PLEKHM3: variants seen among roughly 807,000 people sequenced by gnomAD.
PLEKHM3 encodes pleckstrin homology domain-containing family M member 3.
PLEKHM3 carries 45 observed loss-of-function variants against 81.8 expected under a neutral mutation model. The observed-to-expected ratio is 0.55, with a 90% CI of 0.43 to 0.71. The LOEUF (loss-of-function observed/expected upper bound fraction) is 0.71, where lower values mean the gene tolerates loss of function less well. Ranked by LOEUF, PLEKHM3 falls within the 30% of genes least tolerant of loss-of-function variation. PLEKHM3 has a pLI of 0.00. For missense variants in PLEKHM3, 788 were observed against 924.3 expected (o/e 0.85, Z 1.91); for synonymous variants, 352 against 356.4 (o/e 0.99, Z 0.14).
chr2:207,871,388 C>T (rs1471161217), intron 6 of PLEKHM3, among the ~76,000 whole-genome samples: 1 of 152,114 alleles, frequency 6.6e-6, no homozygotes, highest in Non-Finnish European at 1.5e-5. Flanking sequence ...ATCTGATCCT[C>T]TCCCAAAGGT....
intron 7 of PLEKHM3, among the ~76,000 whole-genome samples, chr2:207,855,419 A>T (rs2092432723): frequency 6.6e-6 from 1 of 152,212 alleles, no homozygotes; most frequent in Non-Finnish European, 1.5e-5. Flanking sequence ...ACTAAAAAAA[A>T]TAAGTGAGGA....
chr2:207,865,796 AAAAAAAGATATATAT>A lies in PLEKHM3; in HGVS notation c.1951-4549_1951-4535del, dbSNP rs1300864679. ...AACTCCGACTCAAAAAAAAAAAAAAAAAAAAAGATATATATATATATATATATATATATATATATA... is the reference window on the plus strand; with the variant it reads ...AACTCCGACTCAAAAAAAAAAAAAAAATATATATATATATATATATATATA... On this transcript the variant is annotated intron_variant, in intron 6 of 7. Coordinates refer to ENST00000427836, the MANE Select transcript of PLEKHM3 (RefSeq NM_001080475.3). 3.1e-3 allele frequency among the ~76,000 whole-genome samples: 139 copies of A among 45,400 alleles called. 6 individuals are homozygous for A. Among genetic ancestry groups the A allele is most frequent in the African/African-American group, 0.015 (131 of 8,926 alleles). The allele number at this position is 45,400 out of a possible 152,430, so 29.8% of individuals were successfully genotyped here.
At chr2:207,865,809 T>A (rs865949649) in intron 6 of PLEKHM3, among the ~76,000 whole-genome samples, 19,826 of 51,890 alleles carry the variant, frequency 0.38, 5,678 homozygotes, top group Non-Finnish European at 0.48. Context: ...AAAAGATATA[T>A]ATATATATAT....
At chr2:207,874,233 G>A (rs1024992858) in intron 6 of PLEKHM3, among the ~76,000 whole-genome samples, 3 of 152,146 alleles carry the variant, frequency 2.0e-5, no homozygotes, top group African/African-American at 7.2e-5. Flanking sequence ...CAAGTTGTTA[G>A]CCATCAGGGA....
At chr2:207,934,224 C>A (rs2105946294) in intron 4 of PLEKHM3, among the ~76,000 whole-genome samples, 1 of 152,256 alleles carries the variant, frequency 6.6e-6, no homozygotes, top group East Asian at 1.9e-4. Flanking sequence ...TATGTTCCAA[C>A]TAAGAGCTAA....
chr2:208,008,784 C>T (rs1010826024), intron 1 of PLEKHM3, among the ~76,000 whole-genome samples: 4 of 152,222 alleles, frequency 2.6e-5, no homozygotes, highest in Non-Finnish European at 5.9e-5. Flanking sequence ...CCATCTTCTT[C>T]CTTCCCTTCC....
Position 207,976,678 on chromosome 2 carries a change from G to C in PLEKHM3, c.1519C>G (p.Leu507Val). Residue 507 changes from leucine (L) to valine (V), a missense_variant, in exon 3 of 8, where the codon CTC becomes GTC. Coordinates refer to ENST00000427836, the MANE Select transcript of PLEKHM3 (RefSeq NM_001080475.3). The surrounding 1 kb of genome is among the most constrained non-coding windows in gnomAD (Gnocchi z 4.1). Reference protein sequence around the residue: ...ILTTLSLERGLTAQSFKCAGC... With the variant: ...ILTTLSLERGVTAQSFKCAGC... ...GCACATTTGAAACTCTGAGCAGTGA[G>C]TCCTCGTTCCAAAGACAAAGTCGTC... The C allele has an allele frequency of 6.2e-7, 1 of 1,614,082 alleles. No individual in the cohort carries two copies. The highest frequency in any genetic ancestry group is 1.6e-4 in the Middle Eastern group (1 of 6,062).
At chr2:207,907,503 C>CAA (rs1688649676) in intron 6 of PLEKHM3, among the ~76,000 whole-genome samples, 1 of 149,576 alleles carries the variant, frequency 6.7e-6, no homozygotes, top group African/African-American at 2.5e-5. Flanking sequence ...CTCTGTCTCA[C>CAA]AAACGAAAGG....
chr2:207,889,234 C>A (rs1192274338), intron 6 of PLEKHM3, among the ~76,000 whole-genome samples: 1 of 152,082 alleles, frequency 6.6e-6, no homozygotes, highest in Non-Finnish European at 1.5e-5. Context: ...CCAGACAAGG[C>A]CCTGCTATGG....
At chr2:207,884,691 T>C in intron 6 of PLEKHM3, among the ~76,000 whole-genome samples, 1 of 152,232 alleles carries the variant, frequency 6.6e-6, no homozygotes, top group East Asian at 1.9e-4. Context: ...ATCTATATTT[T>C]ATTAATAGAA....
chr2:208,023,750 T>C lies in PLEKHM3; in HGVS notation c.-319+1639A>G, dbSNP rs182453552. On this transcript the variant is annotated intron_variant, in intron 1 of 7. Transcript: ENST00000427836. ...TGTGGAAAAATGGTCTTCCGGTCCC[T>C]GGTGCCAAAAACCACCAGGGGACCG... is the stretch of plus-strand genomic sequence containing the variant. Among the ~76,000 whole-genome samples, 598 of 152,252 alleles carry C rather than the reference T, an allele frequency of 3.9e-3. 1 individual carries two copies. The highest frequency in any genetic ancestry group is 0.013 in the African/African-American group (558 of 41,544).
intron 7 of PLEKHM3, among the ~76,000 whole-genome samples, chr2:207,836,691 C>T (rs2092321246): frequency 6.6e-6 from 1 of 152,202 alleles, no homozygotes; most frequent in African/African-American, 2.4e-5. Context: ...TAGCTGCACA[C>T]AGGGAGGTCA....
Position 207,920,411 on chromosome 2 carries a change from A to G in PLEKHM3, c.1886+10515T>C, listed in dbSNP as rs566379460. ...CCCAAGCCCCCAAATCACATTTTTG[A>G]TGATTGAGAATGGGAAATACTGAAG... On this transcript the variant is annotated intron_variant, in intron 5 of 7. Transcript: ENST00000427836. Among the ~76,000 whole-genome samples the G allele has an allele frequency of 2.6e-5, 4 of 152,248 alleles. No individual in the cohort carries two copies. In the South Asian group the frequency reaches 8.3e-4, roughly 32 times the overall value.
At chr2:207,935,243 G>A (rs1689711448) in intron 4 of PLEKHM3, among the ~76,000 whole-genome samples, 1 of 152,194 alleles carries the variant, frequency 6.6e-6, no homozygotes. Context: ...CAGCATGTTT[G>A]CATATTAAAA....
chr2:207,843,973 C>T lies in PLEKHM3; in HGVS notation c.2109-15477G>A, dbSNP rs114376852. ...TGGCGTGCATCTGTAGTCCCAGTTA[C>T]CTGGGAGGCTGAGGCTGGAGGGTCA... On this transcript the variant is annotated intron_variant, in intron 7 of 7. Coordinates refer to ENST00000427836, the MANE Select transcript of PLEKHM3 (RefSeq NM_001080475.3). This position sits in a 1 kb window ranked among gnomAD's most constrained non-coding sequence, Gnocchi z 4.4. 8.4e-3 allele frequency among the ~76,000 whole-genome samples: 1,276 copies of T among 152,048 alleles called. 8 individuals carry two copies. Among genetic ancestry groups the T allele is most frequent in the Non-Finnish European group, 0.012 (839 of 67,976 alleles).
rs577696721 is a variant in PLEKHM3 at position 207,824,496 on chromosome 2, A to G, written c.*3823T>C. On this transcript the variant is annotated 3_prime_UTR_variant, in exon 8 of 8. Coordinates refer to ENST00000427836, the MANE Select transcript of PLEKHM3 (RefSeq NM_001080475.3). ...GGCTTGACTCTAAAGGAGGACCAGA[A>G]TGTGTCTCTACTTCCACTGCTAACG... 3.3e-5 allele frequency: 5 copies of G among 152,370 alleles called. No individual in the cohort carries two copies. The East Asian group carries it at 9.6e-4, about 29-fold the overall frequency. The allele number at this position is 152,370 out of a possible 1,614,324, so 9.4% of individuals were successfully genotyped here.
chr2:207,863,342 G>A (rs1396800005), intron 6 of PLEKHM3, among the ~76,000 whole-genome samples: 1 of 152,214 alleles, frequency 6.6e-6, no homozygotes, highest in Non-Finnish European at 1.5e-5. Context: ...GGCAGTGCCT[G>A]CAGGCCGAGG....
chr2:207,915,985 T>C (rs1167336037), intron 5 of PLEKHM3, among the ~76,000 whole-genome samples: 1 of 152,170 alleles, frequency 6.6e-6, no homozygotes, highest in Admixed American at 6.5e-5. Context: ...CTTCCTGAAA[T>C]AGTTACATTA....
chr2:207,952,926 T>A (rs1306553176), intron 3 of PLEKHM3, among the ~76,000 whole-genome samples: 1 of 152,222 alleles, frequency 6.6e-6, no homozygotes, highest in Non-Finnish European at 1.5e-5. Flanking sequence ...ATCCCAAGCA[T>A]CCAAGTTATT....
Sources: allele counts gnomAD v4.1 joint callset (sites outside exome capture counted in the v4.1 genomes callset), GRCh38; gene constraint gnomAD v4.1.1; non-coding constraint Gnocchi (gnomAD v3.1); transcripts MANE v1.5; gene names NCBI Gene and HGNC (gene_info 2026-07-23, HGNC 2026-07-21).